Variants in AMPD3 observed in about 807,000 individuals in gnomAD.
AMPD3 encodes adenosine monophosphate deaminase 3, also known as AMP deaminase 3.
AMPD3 carries 57 observed loss-of-function variants against 82.3 expected under a neutral mutation model. The observed-to-expected ratio is 0.69, with a 90% confidence interval of 0.56 to 0.86. The LOEUF (loss-of-function observed/expected upper bound fraction) is 0.86, where lower values mean the gene tolerates loss of function less well. Among genes scored for constraint, AMPD3 ranks in the 40% least tolerant of loss-of-function variants. The probability of loss-of-function intolerance (pLI) is 0.00; values close to 1 mark genes in which losing one functional copy is unlikely to be tolerated. For synonymous variants in AMPD3, 381 were observed against 394.7 expected (o/e 0.97, Z 0.41); for missense variants, 870 against 1,003.8 (o/e 0.87, Z 1.80).
intron 2 of AMPD3, among the ~76,000 whole-genome samples, chr11:10,468,681 G>T (rs184716108): frequency 1.3e-5 from 2 of 151,910 alleles, no homozygotes; most frequent in African/African-American, 2.4e-5. Flanking sequence ...CAAATCAACA[G>T]AATATACATT....
chr11:10,468,636 A>T (rs1848492203), intron 2 of AMPD3, among the ~76,000 whole-genome samples: 1 of 152,180 alleles, frequency 6.6e-6, no homozygotes, highest in Non-Finnish European at 1.5e-5. Context: ...AAGGATATTC[A>T]GGACTTGAAC....
chr11:10,491,542 T>C (rs990975974), intron 6 of AMPD3, among the ~76,000 whole-genome samples: 2 of 152,044 alleles, frequency 1.3e-5, no homozygotes, highest in Non-Finnish European at 2.9e-5. Flanking sequence ...ACAAGACCAG[T>C]TAGGAGGTCA....
intron 1 of AMPD3, among the ~76,000 whole-genome samples, chr11:10,460,091 AT>A (rs1210406206): frequency 2.1e-3 from 310 of 145,266 alleles, no homozygotes; most frequent in African/African-American, 7.6e-3. Flanking sequence ...TTTTATATAT[AT>A]ATATATATTT....
chr11:10,460,821 G>T, intron 1 of AMPD3: 1 of 906,026 alleles, frequency 1.1e-6, no homozygotes, highest in Non-Finnish European at 1.3e-6. Flanking sequence ...GGTGGTTGAG[G>T]CCAGTGACTG....
chr11:10,461,557 T>G lies in AMPD3; in HGVS notation c.38T>G (p.Val13Gly). The change falls in exon 2 of 15, where the codon GTG (valine) becomes GGG (glycine). Residue 13 changes from valine to glycine, a missense_variant. Coordinates refer to ENST00000396553, the MANE Select transcript of AMPD3 (RefSeq NM_001025389.2). ...RQFPKLNISE[V>G]DEQVRLLAEK... ...TTTCCCAAGCTGAACATCTCTGAAG[T>G]GGATGAGCAAGTCCGGCTCCTGGCG... 6.2e-7 allele frequency: 1 copy of G among 1,614,130 alleles called. No homozygotes were observed. The highest frequency in any genetic ancestry group is 8.5e-7 in the Non-Finnish European group (1 of 1,180,024).
intron 4 of AMPD3, chr11:10,484,597 T>G (rs1214519428): frequency 3.8e-6 from 3 of 794,594 alleles, no homozygotes; most frequent in Non-Finnish European, 4.6e-6. Flanking sequence ...GAGTTTCTAT[T>G]GGAGTGGAGA....
chr11:10,479,252 C>T (rs919660606), intron 3 of AMPD3, among the ~76,000 whole-genome samples: 4 of 152,178 alleles, frequency 2.6e-5, no homozygotes, highest in Non-Finnish European at 4.4e-5. Flanking sequence ...TCAATTAACG[C>T]AGTCACTGAA....
intron 2 of AMPD3, among the ~76,000 whole-genome samples, chr11:10,477,482 G>T (rs1400203230): frequency 6.6e-6 from 1 of 152,326 alleles, no homozygotes; most frequent in East Asian, 1.9e-4. Context: ...GAAGAGACTT[G>T]CAGTGACATA....
rs1591470297 is a variant in AMPD3 at position 10,487,101 on chromosome 11, C to A, written c.810-134C>A. The A allele has an allele frequency of 1.9e-6, 3 of 1,562,558 alleles. No individual in the cohort carries two copies. The East Asian group carries it at 6.8e-5, about 36-fold the overall frequency. On this transcript the variant is annotated intron_variant, in intron 5 of 14. Coordinates refer to ENST00000396553, the MANE Select transcript of AMPD3 (RefSeq NM_001025389.2). ...ACAGTTCAGCAGGGTCTGTAGAAAG[C>A]CAGAACCTCCTCATTCCGCCCTGCT...
intron 2 of AMPD3, among the ~76,000 whole-genome samples, chr11:10,466,290 C>A (rs1483440471): frequency 6.6e-6 from 1 of 151,870 alleles, no homozygotes; most frequent in Non-Finnish European, 1.5e-5. Context: ...TCCACTGGCT[C>A]AAAATTCTCA....
At chr11:10,493,657 T>C in intron 7 of AMPD3, 114 bp downstream of exon 7, 5 of 1,176,264 alleles carry the variant, frequency 4.3e-6, no homozygotes, top group Non-Finnish European at 6.1e-6. Flanking sequence ...GAAGCAGCTT[T>C]CTCTTCTATC....
At chr11:10,501,430 G>GT (rs1849577218) in intron 11 of AMPD3, 40 bp from the exon 12 acceptor site, 3 of 1,607,606 alleles carry the variant, frequency 1.9e-6, no homozygotes, top group East Asian at 2.2e-5. Context: ...AGAGCCAACT[G>GT]GGGGGGGCCT....
intron 7 of AMPD3, 74 bp from the exon 8 acceptor site, chr11:10,494,825 G>A (rs1365958877): frequency 1.1e-5 from 17 of 1,583,278 alleles, no homozygotes; most frequent in East Asian, 6.7e-5. Context: ...AGGCCGCCTC[G>A]TAAAGGTCTA....
chr11:10,458,851 G>A (rs755060617), intron 1 of AMPD3, among the ~76,000 whole-genome samples: 16 of 152,108 alleles, frequency 1.1e-4, no homozygotes, highest in Non-Finnish European at 2.1e-4. Context: ...TGGCATTTGC[G>A]GCCTTTTGCC....
rs1848060940 is a variant in AMPD3 at position 10,455,301 on chromosome 11, C to T, written c.-153C>T. The T allele has an allele frequency of 2.0e-6, 2 of 985,348 alleles. No homozygotes were observed. The highest frequency in any genetic ancestry group is 3.5e-5 in the African/African-American group (2 of 57,244). 61.0% of individuals were successfully genotyped at this position (985,348 alleles called of 1,614,324 possible). On this transcript the variant is annotated 5_prime_UTR_variant, in exon 1 of 15. Transcript: ENST00000396553. Reference sequence around the variant, plus strand: ...GGCAGATGAAGATCAGAGCTTTGCACCCTGTGATGCCATTTTAATCAACCC... The same window carrying T: ...GGCAGATGAAGATCAGAGCTTTGCATCCTGTGATGCCATTTTAATCAACCC...
At chr11:10,484,213 T>A in intron 4 of AMPD3, 1 of 984,654 alleles carries the variant, frequency 1.0e-6, no homozygotes. Flanking sequence ...GTTTTCTACC[T>A]CCTGTTGGCT....
At chr11:10,494,866 C>G (rs748154436) in intron 7 of AMPD3, 33 bp from the exon 8 acceptor site, 3 of 1,603,774 alleles carry the variant, frequency 1.9e-6, no homozygotes, top group Admixed American at 1.7e-5. Flanking sequence ...GGCTGCAGAA[C>G]GATGCGTTGA....
chr11:10,473,745 C>T (rs1480018147), intron 2 of AMPD3: 1 of 371,964 alleles, frequency 2.7e-6, no homozygotes. Flanking sequence ...AAGGTGTCAG[C>T]CCCTCTTAGT....
At chr11:10,497,423 G>T (rs989385393) in intron 10 of AMPD3, among the ~76,000 whole-genome samples, 2 of 152,360 alleles carry the variant, frequency 1.3e-5, no homozygotes, top group East Asian at 3.9e-4. Context: ...AGGAGAAGGA[G>T]AGGAGCAGTC....
Sources: allele counts gnomAD v4.1 joint callset (sites outside exome capture counted in the v4.1 genomes callset), GRCh38; gene constraint gnomAD v4.1.1; transcripts MANE v1.5; gene names NCBI Gene and HGNC (gene_info 2026-07-23, HGNC 2026-07-21).